PPP3CB: variants seen among roughly 807,000 people sequenced by gnomAD.
The protein encoded by PPP3CB is protein phosphatase 3 catalytic subunit beta, also known as serine/threonine-protein phosphatase 2B catalytic subunit beta isoform.
A neutral mutation model predicts 66.4 loss-of-function variants in PPP3CB; 8 were observed. The observed-to-expected ratio is 0.12, with a 90% confidence interval of 0.07 to 0.22. The LOEUF (loss-of-function observed/expected upper bound fraction) is 0.22, where lower values mean the gene tolerates loss of function less well. Among genes scored for constraint, PPP3CB ranks in the 10% least tolerant of loss-of-function variants. The pLI is 1.00. For missense variants in PPP3CB, 319 were observed against 642.5 expected (o/e 0.50, Z 5.44); for synonymous variants, 208 against 221.2 (o/e 0.94, Z 0.53).
intron 9 of PPP3CB, among the ~76,000 whole-genome samples, chr10:73,464,896 A>G (rs926137828): frequency 1.3e-5 from 2 of 151,998 alleles, no homozygotes; most frequent in African/African-American, 4.8e-5. Flanking sequence ...GTGCCTGGGC[A>G]ATAGAATGAG....
intron 12 of PPP3CB, among the ~76,000 whole-genome samples, chr10:73,441,435 C>G (rs976054397): frequency 6.6e-6 from 1 of 152,030 alleles, no homozygotes; most frequent in Non-Finnish European, 1.5e-5. Flanking sequence ...CTCATCTCCC[C>G]CCAAAAAAAG....
rs1294506055 is a variant in PPP3CB at position 73,495,851 on chromosome 10, T to TGGGGGC, written c.33_38dup (p.Pro20_Pro21dup). ...CGGGAGGGGGCGGCGGGGGCGGGGG[T>TGGGGGC]GGGGGCGGTGCAGCCCGGGCCGGCT... On this transcript the variant is annotated inframe_insertion, in exon 1 of 14. Transcript: ENST00000360663. 8 of 459,100 alleles carry TGGGGGC rather than the reference T, an allele frequency of 1.7e-5. No homozygotes were observed. The African/African-American group carries it at 2.7e-4, about 15-fold the overall frequency. The allele number at this position is 459,100 out of a possible 1,614,324, so 28.4% of individuals were successfully genotyped here.
chr10:73,470,819 C>T, intron 7 of PPP3CB, 38 bp from the exon 8 acceptor site: 1 of 1,586,130 alleles, frequency 6.3e-7, no homozygotes, highest in Non-Finnish European at 8.6e-7. Flanking sequence ...CGTAAAGCAT[C>T]AATCATGGTT....
At chr10:73,449,297 T>C (rs943240679) in intron 10 of PPP3CB, among the ~76,000 whole-genome samples, 2 of 152,232 alleles carry the variant, frequency 1.3e-5, no homozygotes, top group Non-Finnish European at 2.9e-5. Flanking sequence ...AAATCTGAAT[T>C]GCAGAACTTT....
chr10:73,481,822 A>G (rs1230271129), intron 1 of PPP3CB, among the ~76,000 whole-genome samples: 2 of 151,408 alleles, frequency 1.3e-5, no homozygotes, highest in Non-Finnish European at 2.9e-5. Context: ...TTTATTTGCT[A>G]TCTAGTAAAA....
intron 9 of PPP3CB, among the ~76,000 whole-genome samples, chr10:73,455,938 G>A (rs991891670): frequency 2.0e-5 from 3 of 152,198 alleles, no homozygotes; most frequent in Non-Finnish European, 2.9e-5. Flanking sequence ...CATGAGTGTA[G>A]GATGTTGTTT....
At chr10:73,459,801 G>A (rs988645901) in intron 9 of PPP3CB, among the ~76,000 whole-genome samples, 1 of 152,138 alleles carries the variant, frequency 6.6e-6, no homozygotes, top group Non-Finnish European at 1.5e-5. Flanking sequence ...GTTAGCAAGG[G>A]GGGTTAGGGG....
Position 73,480,499 on chromosome 10 carries a change from C to T in PPP3CB, c.86-982G>A, listed in dbSNP as rs185137903. 1.6e-4 allele frequency among the ~76,000 whole-genome samples: 23 copies of T among 141,440 alleles called. No homozygotes were observed. The East Asian group carries it at 1.7e-3, about 11-fold the overall frequency. The allele number at this position is 141,440 out of a possible 152,430, so 92.8% of individuals were successfully genotyped here. Reference sequence around the variant, plus strand: ...TTGTTCTGTCGCCCAGGCTGGAATGCAGTGGCGTGAACTCGGCTCACTGCA... The same window carrying T: ...TTGTTCTGTCGCCCAGGCTGGAATGTAGTGGCGTGAACTCGGCTCACTGCA... On this transcript the variant is annotated intron_variant, in intron 1 of 13. Transcript: ENST00000360663.
At chr10:73,477,352 ATTTGT>A in intron 3 of PPP3CB, 2 of 443,602 alleles carry the variant, frequency 4.5e-6, no homozygotes, top group Non-Finnish European at 8.7e-6. Flanking sequence ...TTAAAGCATC[ATTTGT>A]AAAGAAAAAA....
At chr10:73,459,440 C>T (rs1035877931) in intron 9 of PPP3CB, among the ~76,000 whole-genome samples, 2 of 152,248 alleles carry the variant, frequency 1.3e-5, no homozygotes, top group African/African-American at 4.8e-5. Context: ...GAGCCAAGAT[C>T]GCGCCACTGC....
intron 12 of PPP3CB, chr10:73,443,805 CT>C (rs1416087805): frequency 2.6e-5 from 4 of 152,160 alleles, no homozygotes; most frequent in African/African-American, 9.7e-5. Flanking sequence ...ACGTATAATT[CT>C]TTTTATTTTC....
intron 3 of PPP3CB, among the ~76,000 whole-genome samples, chr10:73,478,220 G>A (rs939015690): frequency 6.6e-6 from 1 of 152,060 alleles, no homozygotes; most frequent in Admixed American, 6.5e-5. Flanking sequence ...AAATTTTTAA[G>A]GCCACTAGTT....
chr10:73,442,290 T>C (rs902339803), intron 12 of PPP3CB, among the ~76,000 whole-genome samples: 3 of 152,014 alleles, frequency 2.0e-5, no homozygotes, highest in Non-Finnish European at 4.4e-5. Flanking sequence ...TCCCCTGCAG[T>C]TGAGGGTGGT....
At chr10:73,459,917 C>A (rs1400846191) in intron 9 of PPP3CB, among the ~76,000 whole-genome samples, 1 of 152,120 alleles carries the variant, frequency 6.6e-6, no homozygotes, top group Non-Finnish European at 1.5e-5. Context: ...ATATAAAAAA[C>A]ATGGAATTGT....
chr10:73,443,505 G>A lies in PPP3CB; in HGVS notation c.1366+1220C>T, dbSNP rs141883550. ...CAAAAAGAAACCTAATTATGACTAAGGAAAACATCAGATCTGTTGCTATTT... is the reference window on the plus strand; with the variant it reads ...CAAAAAGAAACCTAATTATGACTAAAGAAAACATCAGATCTGTTGCTATTT... On this transcript the variant is annotated intron_variant, in intron 12 of 13. Transcript: ENST00000360663. 7.2e-5 allele frequency among the ~76,000 whole-genome samples: 11 copies of A among 152,214 alleles called. No individual in the cohort carries two copies. The East Asian group carries it at 2.1e-3, about 29-fold the overall frequency.
intron 11 of PPP3CB, 89 bp downstream of exon 11, chr10:73,446,403 T>C: frequency 7.8e-7 from 1 of 1,281,758 alleles, no homozygotes; most frequent in Non-Finnish European, 1.1e-6. Flanking sequence ...CCCGGCCCCA[T>C]TTTGCTTTTA....
intron 1 of PPP3CB, among the ~76,000 whole-genome samples, chr10:73,487,942 G>A (rs527605860): frequency 2.6e-5 from 4 of 151,856 alleles, no homozygotes; most frequent in East Asian, 1.9e-4. Flanking sequence ...CATCACACCC[G>A]GCTAATTAGT....
chr10:73,445,554 T>G (rs2056234101), intron 11 of PPP3CB, among the ~76,000 whole-genome samples: 1 of 150,908 alleles, frequency 6.6e-6, no homozygotes, highest in Non-Finnish European at 1.5e-5. Context: ...CAGGTGATCC[T>G]CCCATCTCAG....
intron 9 of PPP3CB, among the ~76,000 whole-genome samples, chr10:73,461,757 T>C (rs539319099): frequency 4.1e-4 from 63 of 152,298 alleles, no homozygotes; most frequent in Non-Finnish European, 7.6e-4. Context: ...CAGAAGGACA[T>C]GATATTATAG....
Sources: allele counts gnomAD v4.1 joint callset (sites outside exome capture counted in the v4.1 genomes callset), GRCh38; gene constraint gnomAD v4.1.1; transcripts MANE v1.5; gene names NCBI Gene and HGNC (gene_info 2026-07-23, HGNC 2026-07-21).